Variants in TEP1 observed in about 807,000 individuals in gnomAD.
The protein encoded by TEP1 is telomerase associated protein 1.
In TEP1, 241 loss-of-function variants were observed where a neutral mutation model predicts 306.3. The ratio of observed to expected loss-of-function variants is 0.79; its 90% CI spans 0.71 to 0.88. TEP1 has a LOEUF of 0.88. Among genes scored for constraint, TEP1 ranks in the 40% least tolerant of loss-of-function variants. The pLI, the probability that TEP1 is intolerant of heterozygous loss-of-function variation, is 0.00. For synonymous variants in TEP1, 1,289 were observed against 1,305.5 expected, an observed-to-expected ratio of 0.99 and a Z score of 0.27; for missense variants, 3,051 against 3,276.1, an observed-to-expected ratio of 0.93 and a Z score of 1.68.
intron 28 of TEP1, 51 bp from the exon 29 acceptor site, chr14:20,382,407 C>A (rs1240092871): frequency 6.4e-6 from 10 of 1,570,342 alleles, no homozygotes; most frequent in Admixed American, 5.3e-5. Flanking sequence ...GGAGAAGCAG[C>A]TTGGCTTGTG....
chr14:20,386,264 C>T, intron 19 of TEP1, 69 bp from the exon 20 acceptor site: 2 of 1,606,864 alleles, frequency 1.2e-6, no homozygotes, highest in South Asian at 1.1e-5. Context: ...TAGGCACAAA[C>T]AGGGAGACGG....
intron 11 of TEP1, 105 bp downstream of exon 11, chr14:20,395,754 T>C (rs950218788): frequency 1.3e-6 from 2 of 1,496,154 alleles, no homozygotes; most frequent in Non-Finnish European, 1.8e-6. Context: ...CCCACCCCGA[T>C]ACACCCTGAG....
At position 20,383,752 on chromosome 14, in the gene TEP1, C is replaced by G. The variant is rs1199518499; in HGVS notation, c.3701G>C (p.Ser1234Thr). The part of the protein sequence containing the change: ...GQLKEPGALP[S>T]TYRSLVWELQ... ...ATTGGGGGATACCCACCGGTAGGTG[C>G]TGGGGAGGGCACCTGGCTCTTTTAG... Residue 1234 changes from serine (S) to threonine (T), a missense_variant, in exon 25 of 55, where the codon AGC (serine) becomes ACC (threonine). Transcript: ENST00000262715. The G allele has an allele frequency of 6.2e-7, 1 of 1,611,218 alleles. No individual in the cohort carries two copies. The highest frequency in any genetic ancestry group is 1.3e-5 in the African/African-American group (1 of 74,902).
At chr14:20,372,883 A>G in intron 48 of TEP1, 26 bp from the exon 49 acceptor site, 1 of 1,614,042 alleles carries the variant, frequency 6.2e-7, no homozygotes. Context: ...AGTTCAATTC[A>G]GTGCTTCTGA....
At chr14:20,400,328 A>G (rs1878570689) in intron 9 of TEP1, among the ~76,000 whole-genome samples, 1 of 151,298 alleles carries the variant, frequency 6.6e-6, no homozygotes, top group African/African-American at 2.4e-5. Flanking sequence ...GCTCATGCCT[A>G]TAATTCCAGC....
intron 49 of TEP1, 48 bp from the exon 50 acceptor site, chr14:20,371,680 C>T: frequency 2.6e-6 from 4 of 1,516,024 alleles, no homozygotes; most frequent in Non-Finnish European, 3.5e-6. Context: ...TTTTAGTTAA[C>T]CTTTCTCAGG....
At chr14:20,383,967 C>T (rs1333300674) in intron 24 of TEP1, 49 bp from the exon 25 acceptor site, 1 of 1,587,040 alleles carries the variant, frequency 6.3e-7, no homozygotes, top group Non-Finnish European at 8.5e-7. Flanking sequence ...CATGCCTGAG[C>T]TCCCTGTGCC....
intron 17 of TEP1, 68 bp from the exon 18 acceptor site, chr14:20,388,131 AGGGCAGGGGG>A: frequency 6.4e-7 from 1 of 1,563,000 alleles, no homozygotes; most frequent in African/African-American, 1.4e-5. Context: ...TCTTCCGAAA[AGGGCAGGGGG>A]AAAAAGATAT....
At chr14:20,400,098 T>C (rs535509384) in intron 9 of TEP1, among the ~76,000 whole-genome samples, 43 of 140,904 alleles carry the variant, frequency 3.1e-4, no homozygotes, top group African/African-American at 1.1e-3. Flanking sequence ...GATTGCGCCA[T>C]TGCATTCCGG....
rs1243024854 is a variant in TEP1 at position 20,373,332 on chromosome 14, C to T, written c.6752G>A (p.Gly2251Asp). ...VRAAAVSETS[G>D]LMLTASEDGS... ...ATCCTCAGAGGCGGTCAGCATGAGGCCTGAGGTTTCTGAAACAGCAGCAGC... is the reference window on the plus strand; with the variant it reads ...ATCCTCAGAGGCGGTCAGCATGAGGTCTGAGGTTTCTGAAACAGCAGCAGC... The change falls in exon 47 of 55, where the codon GGC (glycine) becomes GAC (aspartate). Residue 2251 changes from glycine (G) to aspartate (D), a missense_variant. Coordinates refer to ENST00000262715, the MANE Select transcript of TEP1 (RefSeq NM_007110.5). The T allele has an allele frequency of 6.2e-7, 1 of 1,614,188 alleles. No individual in the cohort carries two copies. The highest frequency in any genetic ancestry group is 8.5e-7 in the Non-Finnish European group (1 of 1,180,030).
At chr14:20,377,920 G>C (rs1885289691) in intron 39 of TEP1, 104 bp downstream of exon 39, 1 of 1,494,606 alleles carries the variant, frequency 6.7e-7, no homozygotes, top group Admixed American at 1.7e-5. Flanking sequence ...TGCAATCCAA[G>C]CTCCTCCACA....
Position 20,379,246 on chromosome 14 carries a change from G to A in TEP1, c.5128-141C>T, listed in dbSNP as rs567315209. ...TCTCTATGTTCCAAGTCAAGCACACGTTCAAGTGGGGGCCTCGTGATCCAA... is the reference window on the plus strand; with the variant it reads ...TCTCTATGTTCCAAGTCAAGCACACATTCAAGTGGGGGCCTCGTGATCCAA... On this transcript the variant is annotated intron_variant, in intron 35 of 54. Coordinates refer to ENST00000262715, the MANE Select transcript of TEP1 (RefSeq NM_007110.5). The A allele has an allele frequency of 3.6e-5, 41 of 1,128,240 alleles. No homozygotes were observed. In the Admixed American group the frequency reaches 4.4e-4, roughly 12 times the overall value. The allele number at this position is 1,128,240 out of a possible 1,614,324, so 69.9% of individuals were successfully genotyped here.
chr14:20,409,964 G>A (rs1341522463), intron 1 of TEP1, among the ~76,000 whole-genome samples: 2 of 138,270 alleles, frequency 1.4e-5, no homozygotes, highest in Non-Finnish European at 3.0e-5. Flanking sequence ...GGAGCTTGCA[G>A]TGAGCCCAGA....
In TEP1 at chr14:20,383,870, A is replaced by C. The variant is rs1760904; in HGVS notation, c.3583T>G (p.Ser1195Ala). 2 of 1,600,884 alleles carry C rather than the reference A, an allele frequency of 1.2e-6. No homozygotes were observed. Among genetic ancestry groups the C allele is most frequent in the Non-Finnish European group, 1.7e-6 (2 of 1,178,292 alleles). ...LQAPDGAKVA[S>A]LVFFHFSGAR... ...CCAGAAAAGTGGAAGAAGACTAATGATGCCACCTTGGCCCCATCAGGAGCC... is the reference window on the plus strand; with the variant it reads ...CCAGAAAAGTGGAAGAAGACTAATGCTGCCACCTTGGCCCCATCAGGAGCC... Residue 1195 changes from serine (S) to alanine (A), a missense_variant, in exon 25 of 55, where the codon TCA becomes GCA. Transcript: ENST00000262715.
Position 20,379,105 on chromosome 14 carries a change from C to T in TEP1, c.5128G>A (p.Glu1710Lys). Reference protein sequence around the residue: ...VYLLDLRTWQEEKSVVSGCDG... With the variant: ...VYLLDLRTWQKEKSVVSGCDG... ...CAGCCACTCACCACAGACTTCTCCT[C>T]CTGCGACAGTGGGTGAGGGAGCGCA... The change falls in exon 36 of 55, where the codon GAG (glutamate) becomes AAG (lysine). Residue 1710 changes from glutamate (E) to lysine (K), a missense_variant and splice_region_variant. Physicochemically the swap from Glu to Lys is moderately conservative, Grantham distance 56 (BLOSUM62 1). Transcript: ENST00000262715. 6.2e-7 allele frequency: 1 copy of T among 1,614,036 alleles called. No homozygotes were observed. Among genetic ancestry groups the T allele is most frequent in the Admixed American group, 1.7e-5 (1 of 60,026 alleles).
At position 20,405,489 on chromosome 14, in the gene TEP1, GA is replaced by G; in HGVS notation, c.831del (p.Arg278ValfsTer22). ...DPTLAAIFEI[C>X]RELALLEPEF... Reference sequence around the variant, plus strand: ...TCAGGCTCCAGGAGGGCAAGTTCACGACAGATTTCAAAAATGGCAGCCAGGG... The same window carrying G: ...TCAGGCTCCAGGAGGGCAAGTTCACGCAGATTTCAAAAATGGCAGCCAGGG... On this transcript the variant is annotated frameshift_variant, in exon 4 of 55. Transcript: ENST00000262715. LOFTEE classifies it high-confidence loss of function. The G allele has an allele frequency of 6.2e-7, 1 of 1,614,120 alleles. No individual in the cohort carries two copies. The highest frequency in any genetic ancestry group is 8.5e-7 in the Non-Finnish European group (1 of 1,180,026).
Position 20,377,731 on chromosome 14 carries a change from A to G in TEP1, c.5744T>C (p.Leu1915Pro), listed in dbSNP as rs1386640712. The part of the protein sequence containing the change: ...DGKVQVWSGS[L>P]GRPRGHLGSL... ...ACCCAGGTGCCCACGGGGCCGACCC[A>G]GAGACCCTGACCACACCTGAACCTG... Residue 1915 changes from leucine (L) to proline (P), a missense_variant, in exon 40 of 55, where the codon CTG becomes CCG. Transcript: ENST00000262715. 1 of 1,613,896 alleles carries G rather than the reference A, an allele frequency of 6.2e-7. No individual in the cohort carries two copies. Among genetic ancestry groups the G allele is most frequent in the East Asian group, 2.2e-5 (1 of 44,872 alleles).
intron 5 of TEP1, 125 bp from the exon 6 acceptor site, chr14:20,404,009 CA>C: frequency 7.9e-7 from 1 of 1,268,646 alleles, no homozygotes; most frequent in South Asian, 1.4e-5. Context: ...GCCCTAGCTC[CA>C]AAATCACAAT....
chr14:20,383,890 G>T lies in TEP1; in HGVS notation c.3563C>A (p.Pro1188His). The change falls in exon 25 of 55, where the codon CCT (proline) becomes CAT (histidine). Residue 1188 changes from proline to histidine, a missense_variant. By Grantham distance (77) the Pro-to-His change is moderately conservative (BLOSUM62 -2). Around this residue, in one of 3 missense-constraint regions of TEP1, gnomAD observed 1,507 missense variants for 1,550.5 expected, o/e 0.97. Transcript: ENST00000262715. ...LASLVSALQAPDGAKVASLVF... is the reference protein window; with the variant it reads ...LASLVSALQAHDGAKVASLVF... ...TAATGATGCCACCTTGGCCCCATCA[G>T]GAGCCTGCAGGGCTGACACAAGAGA... The T allele has an allele frequency of 6.2e-7, 1 of 1,601,118 alleles. No individual in the cohort carries two copies. The highest frequency in any genetic ancestry group is 1.1e-5 in the South Asian group (1 of 90,518).
Sources: allele counts gnomAD v4.1 joint callset (sites outside exome capture counted in the v4.1 genomes callset), GRCh38; gene constraint gnomAD v4.1.1; regional missense constraint gnomAD v4.1.1; transcripts MANE v1.5; gene names NCBI Gene and HGNC (gene_info 2026-07-23, HGNC 2026-07-21).